PPP1R9A: variants seen among roughly 807,000 people sequenced by gnomAD.
PPP1R9A encodes protein phosphatase 1 regulatory subunit 9A.
Under a neutral mutation model 141.9 loss-of-function variants are expected in PPP1R9A, and 59 were observed. The observed-to-expected ratio is 0.42, with a 90% CI of 0.34 to 0.52. The LOEUF (loss-of-function observed/expected upper bound fraction) is 0.52. Ranked by LOEUF, PPP1R9A falls within the 20% of genes least tolerant of loss-of-function variation. PPP1R9A has a pLI of 0.10. For missense variants in PPP1R9A, 1,444 were observed against 1,611.9 expected, an observed-to-expected ratio of 0.90 and a Z score of 1.78; for synonymous variants, 500 against 569.7, an observed-to-expected ratio of 0.88 and a Z score of 1.74.
rs772496489 is a variant in PPP1R9A, at chr7:95,001,291, T to TACAA, written c.1395+89796_1395+89799dup. Among the ~76,000 whole-genome samples, 30 of 152,166 alleles carry TACAA rather than the reference T, an allele frequency of 2.0e-4. 1 individual carries two copies. Among genetic ancestry groups the TACAA allele is most frequent in the Non-Finnish European group, 3.2e-4 (22 of 68,006 alleles). ...CAGTTGAGCTATTGAAAGTAAAACA[T>TACAA]ACAAACAAACAAACAACAATAGCAA... On this transcript the variant is annotated intron_variant, in intron 2 of 19. Coordinates refer to ENST00000433360, the MANE Select transcript of PPP1R9A (RefSeq NM_001166160.2).
chr7:94,979,499 G>A lies in PPP1R9A; in HGVS notation c.1395+67991G>A, dbSNP rs551953600. Among the ~76,000 whole-genome samples the A allele has an allele frequency of 1.2e-4, 18 of 152,298 alleles. No individual in the cohort carries two copies. In the South Asian group the frequency reaches 2.9e-3, roughly 25 times the overall value. ...GTTAAATGCTACTTAGCAAATGGATGCAAAGCTTTGACAGTAATTTTAGGT... is the reference window on the plus strand; with the variant it reads ...GTTAAATGCTACTTAGCAAATGGATACAAAGCTTTGACAGTAATTTTAGGT... On this transcript the variant is annotated intron_variant, in intron 2 of 19. Coordinates refer to ENST00000433360, the MANE Select transcript of PPP1R9A (RefSeq NM_001166160.2).
chr7:95,168,364 T>A (rs192356853), intron 5 of PPP1R9A, among the ~76,000 whole-genome samples: 27 of 152,094 alleles, frequency 1.8e-4, no homozygotes, highest in Admixed American at 1.6e-3. Flanking sequence ...AACTGGACCC[T>A]TATCCCTCAC....
At position 95,030,496 on chromosome 7, in the gene PPP1R9A, AT is replaced by A. The variant is rs201362911; in HGVS notation, c.1396-80753del. On this transcript the variant is annotated intron_variant, in intron 2 of 19. Coordinates refer to ENST00000433360, the MANE Select transcript of PPP1R9A (RefSeq NM_001166160.2). The stretch of plus-strand genomic sequence containing the variant: ...TGAAAAACATTTTTGTAATCTTTTA[AT>A]TTTTTTTTTAATTTTGCACAGATTG... Among the ~76,000 whole-genome samples, 1,235 of 150,456 alleles carry A rather than the reference AT, an allele frequency of 8.2e-3. 7 individuals are homozygous for A. Among genetic ancestry groups the A allele is most frequent in the Non-Finnish European group, 0.011 (750 of 67,496 alleles).
intron 16 of PPP1R9A, among the ~76,000 whole-genome samples, chr7:95,277,536 CCT>C (rs1486573190): frequency 6.6e-6 from 1 of 151,984 alleles, no homozygotes; most frequent in African/African-American, 2.4e-5. Context: ...CTCAAGTGAT[CCT>C]CTCAGCTCAG....
intron 5 of PPP1R9A, among the ~76,000 whole-genome samples, chr7:95,173,430 A>T (rs1332611869): frequency 2.0e-5 from 3 of 151,922 alleles, no homozygotes; most frequent in Non-Finnish European, 4.4e-5. Flanking sequence ...TAAATGAATG[A>T]AAAAAAATTT....
chr7:95,183,451 T>TTTTA (rs1169390169), intron 5 of PPP1R9A, among the ~76,000 whole-genome samples: 1 of 143,806 alleles, frequency 7.0e-6, no homozygotes, highest in Non-Finnish European at 1.5e-5. Flanking sequence ...AAATATTCTT[T>TTTTA]TTTTTTTTTT....
intron 2 of PPP1R9A, among the ~76,000 whole-genome samples, chr7:95,100,480 T>C (rs1818619976): frequency 6.6e-6 from 1 of 152,246 alleles, no homozygotes; most frequent in African/African-American, 2.4e-5. Flanking sequence ...GCGTAAGTTG[T>C]GTTTTCCAGT....
At chr7:95,182,111 A>G (rs1029328038) in intron 5 of PPP1R9A, among the ~76,000 whole-genome samples, 2 of 151,982 alleles carry the variant, frequency 1.3e-5, no homozygotes, top group Admixed American at 6.6e-5. Flanking sequence ...AAATCTCACA[A>G]ATCACTAAAG....
intron 2 of PPP1R9A, among the ~76,000 whole-genome samples, chr7:94,929,556 G>A (rs1222172048): frequency 6.6e-6 from 1 of 152,130 alleles, no homozygotes; most frequent in African/African-American, 2.4e-5. Context: ...TACATGGTAA[G>A]GCATGTACCA....
In PPP1R9A at chr7:95,284,028, G is replaced by A. The variant is rs1804792595; in HGVS notation, c.3307G>A (p.Gly1103Ser). Residue 1103 changes from glycine (G) to serine (S), a missense_variant, in exon 17 of 20, where the codon GGC (glycine) becomes AGC (serine). Transcript: ENST00000433360. Reference protein sequence around the residue: ...RFSAGSRIFRGRLENWTPKPC... With the variant: ...RFSAGSRIFRSRLENWTPKPC... ...CTTTTCACAAAACAGGATCTTCAGAGGCAGACTGGAAAACTGGACACCCAA... is the reference window on the plus strand; with the variant it reads ...CTTTTCACAAAACAGGATCTTCAGAAGCAGACTGGAAAACTGGACACCCAA... The A allele has an allele frequency of 6.3e-7, 1 of 1,593,300 alleles. No individual in the cohort carries two copies. The highest frequency in any genetic ancestry group is 8.5e-7 in the Non-Finnish European group (1 of 1,175,958).
At chr7:95,001,190 T>C (rs1037381010) in intron 2 of PPP1R9A, among the ~76,000 whole-genome samples, 10 of 152,164 alleles carry the variant, frequency 6.6e-5, no homozygotes, top group Non-Finnish European at 1.5e-4. Context: ...GGTATACTTG[T>C]ATTTGAATTC....
chr7:95,028,293 G>A (rs973943250), intron 2 of PPP1R9A, among the ~76,000 whole-genome samples: 14 of 152,090 alleles, frequency 9.2e-5, no homozygotes, highest in African/African-American at 3.4e-4. Flanking sequence ...CAAACAGAAA[G>A]CAGCTGCCCA....
At chr7:95,059,864 C>A (rs1811989797) in intron 2 of PPP1R9A, among the ~76,000 whole-genome samples, 1 of 152,008 alleles carries the variant, frequency 6.6e-6, no homozygotes, top group Non-Finnish European at 1.5e-5. Context: ...CTTGTTTCAC[C>A]CCTTTTGCTT....
chr7:95,029,236 C>T (rs1807316944), intron 2 of PPP1R9A, among the ~76,000 whole-genome samples: 1 of 151,994 alleles, frequency 6.6e-6, no homozygotes, highest in Non-Finnish European at 1.5e-5. Flanking sequence ...TTATGGGAGG[C>T]CAAGCTACTT....
intron 10 of PPP1R9A, among the ~76,000 whole-genome samples, chr7:95,251,085 G>A (rs940082343): frequency 2.0e-5 from 3 of 152,100 alleles, no homozygotes; most frequent in Non-Finnish European, 4.4e-5. Flanking sequence ...ATTTAAAAGA[G>A]TTTTGCTATC....
chr7:95,060,720 A>G (rs761986354), intron 2 of PPP1R9A, among the ~76,000 whole-genome samples: 4 of 152,278 alleles, frequency 2.6e-5, no homozygotes, highest in South Asian at 2.1e-4. Context: ...ACTCGACCCA[A>G]ACCTTACTGA....
At chr7:95,220,161 G>C (rs572736004) in intron 7 of PPP1R9A, among the ~76,000 whole-genome samples, 36 of 152,120 alleles carry the variant, frequency 2.4e-4, no homozygotes, top group Non-Finnish European at 4.3e-4. Context: ...AATGGAAAGA[G>C]AGATGCTTCG....
intron 2 of PPP1R9A, among the ~76,000 whole-genome samples, chr7:95,038,870 G>A (rs1448173051): frequency 6.6e-6 from 1 of 152,072 alleles, no homozygotes; most frequent in African/African-American, 2.4e-5. Flanking sequence ...AATTCCCTCC[G>A]AGGAAGAGTA....
intron 3 of PPP1R9A, among the ~76,000 whole-genome samples, chr7:95,113,098 T>C (rs1820855001): frequency 1.3e-5 from 2 of 152,296 alleles, no homozygotes; most frequent in African/African-American, 4.8e-5. Context: ...AAGACGTTCT[T>C]GAGCAACTTA....
Sources: gnomAD v4.1 joint callset for allele counts (sites outside exome capture counted in the v4.1 genomes callset) on GRCh38, gnomAD v4.1.1 for gene constraint, MANE v1.5 for transcripts, NCBI Gene and HGNC (gene_info 2026-07-23, HGNC 2026-07-21) for gene names.